The following CAST variants were observed in gnomAD, a reference collection of about 807,000 sequenced individuals.
CAST encodes the protein calpastatin.
In CAST, 76 loss-of-function variants were observed where a neutral mutation model predicts 119.6. The ratio of observed to expected loss-of-function variants is 0.64; its 90% confidence interval spans 0.53 to 0.77. CAST has a LOEUF of 0.77. Ranked by LOEUF, CAST falls within the 30% of genes least tolerant of loss-of-function variation. The probability of loss-of-function intolerance (pLI) is 0.00; values close to 1 mark genes in which losing one functional copy is unlikely to be tolerated. For synonymous variants in CAST, 319 were observed against 331.6 expected (o/e 0.96, Z 0.41); for missense variants, 953 against 946.5 (o/e 1.01, Z -0.09).
intron 1 of CAST, among the ~76,000 whole-genome samples, chr5:96,620,020 A>G (rs529820430): frequency 2.0e-5 from 3 of 152,354 alleles, no homozygotes; most frequent in African/African-American, 4.8e-5. Context: ...TGAAAATTAC[A>G]TTAGAGACAA....
chr5:96,506,941 T>C, the CAST span, among the ~76,000 whole-genome samples: 3 of 152,160 alleles, frequency 2.0e-5, no homozygotes, highest in Non-Finnish European at 4.4e-5. Context: ...GCCAAACTCC[T>C]AAAGATTGCT....
intron 1 of CAST, among the ~76,000 whole-genome samples, chr5:96,591,193 G>A (rs560026103): frequency 6.6e-6 from 1 of 152,224 alleles, no homozygotes; most frequent in African/African-American, 2.4e-5. Context: ...TTATGAAACA[G>A]ATGTCAGCCT....
chr5:96,525,460 C>T (rs1213373854), upstream of CAST: 1 of 152,156 alleles, frequency 6.6e-6, no homozygotes, highest in Non-Finnish European at 1.5e-5. Flanking sequence ...TAAATGAAAA[C>T]AGTGGGTTAC....
chr5:96,754,194 A>G (rs1033786607), intron 21 of CAST, 33 bp downstream of exon 21: 3 of 1,229,420 alleles, frequency 2.4e-6, no homozygotes, highest in Non-Finnish European at 3.6e-6. Context: ...TGGAAAATAA[A>G]TATCATTGAT....
At chr5:96,737,302 G>A (rs1296854806) in intron 10 of CAST, among the ~76,000 whole-genome samples, 2 of 149,490 alleles carry the variant, frequency 1.3e-5, no homozygotes, top group African/African-American at 5.0e-5. Context: ...AACCTCTTCA[G>A]GCAAGCAAGT....
the CAST span, among the ~76,000 whole-genome samples, chr5:96,347,368 T>A: frequency 6.6e-6 from 1 of 152,328 alleles, no homozygotes; most frequent in East Asian, 1.9e-4. Flanking sequence ...TGATCCATTC[T>A]GCACTGCTCA....
chr5:96,520,529 G>C (rs965848912), upstream of CAST, among the ~76,000 whole-genome samples: 2 of 152,022 alleles, frequency 1.3e-5, no homozygotes, highest in African/African-American at 4.8e-5. Context: ...TTGTGTCAGT[G>C]TGTGTGTGTC....
chr5:96,216,060 A>G, the CAST span, among the ~76,000 whole-genome samples: 1 of 152,082 alleles, frequency 6.6e-6, no homozygotes, highest in Admixed American at 6.6e-5. Flanking sequence ...TGCTCACCTA[A>G]GCCTCCCAAA....
chr5:96,386,833 T>C, the CAST span, among the ~76,000 whole-genome samples: 1 of 151,694 alleles, frequency 6.6e-6, no homozygotes, highest in African/African-American at 2.4e-5. Flanking sequence ...GGCATGGAGG[T>C]GGGCACCTGT....
At chr5:96,675,754 G>A in intron 2 of CAST, 153 bp downstream of exon 2, 2 of 557,114 alleles carry the variant, frequency 3.6e-6, no homozygotes, top group Non-Finnish European at 3.1e-6. Context: ...GAATATAAAA[G>A]GAAATCACTA....
the CAST span, among the ~76,000 whole-genome samples, chr5:96,306,033 T>C: frequency 6.6e-6 from 1 of 152,192 alleles, no homozygotes; most frequent in Non-Finnish European, 1.5e-5. Flanking sequence ...TACCAGCTCC[T>C]CCTCGTACCT....
intron 1 of CAST, among the ~76,000 whole-genome samples, chr5:96,575,281 A>G (rs915917440): frequency 6.6e-6 from 1 of 152,250 alleles, no homozygotes; most frequent in African/African-American, 2.4e-5. Flanking sequence ...CTGAATTCAC[A>G]TTAATTCTAG....
At chr5:95,972,637 T>C in the CAST span, among the ~76,000 whole-genome samples, 4 of 152,202 alleles carry the variant, frequency 2.6e-5, no homozygotes, top group Non-Finnish European at 5.9e-5. Context: ...AAAAACATTT[T>C]CCCCCAGTCC....
At chr5:96,061,481 T>C in the CAST span, among the ~76,000 whole-genome samples, 10 of 152,148 alleles carry the variant, frequency 6.6e-5, no homozygotes, top group Non-Finnish European at 1.2e-4. Context: ...GGGGTCTTTA[T>C]GGCCAGCTAA....
chr5:96,555,675 CGGAG>C (rs926552276), intron 1 of CAST, among the ~76,000 whole-genome samples: 7 of 152,270 alleles, frequency 4.6e-5, no homozygotes, highest in Non-Finnish European at 1.0e-4. Flanking sequence ...GCGAGGCTGA[CGGAG>C]GGGTGCCCGC....
At chr5:95,993,740 A>C in the CAST span, among the ~76,000 whole-genome samples, 1 of 152,096 alleles carries the variant, frequency 6.6e-6, no homozygotes, top group Non-Finnish European at 1.5e-5. Flanking sequence ...CATTTGACCA[A>C]AGGCTTGAAT....
At chr5:96,316,523 G>A in the CAST span, among the ~76,000 whole-genome samples, 6 of 152,186 alleles carry the variant, frequency 3.9e-5, no homozygotes, top group Non-Finnish European at 5.9e-5. Context: ...TGGGAAGCAC[G>A]GCAAAACTGT....
At chr5:96,277,070 A>G in the CAST span, among the ~76,000 whole-genome samples, 2 of 152,214 alleles carry the variant, frequency 1.3e-5, no homozygotes, top group East Asian at 3.8e-4. Context: ...ACTACCATTT[A>G]TTCATCCATT....
chr5:96,425,315 T>A, the CAST span, among the ~76,000 whole-genome samples: 3 of 152,228 alleles, frequency 2.0e-5, no homozygotes, highest in African/African-American at 7.2e-5. Context: ...ATCTTAAAGG[T>A]AGAATGGTTT....
Sources: gnomAD v4.1 joint callset for allele counts (sites outside exome capture counted in the v4.1 genomes callset) on GRCh38, gnomAD v4.1.1 for gene constraint, MANE v1.5 for transcripts, NCBI Gene and HGNC (gene_info 2026-07-23, HGNC 2026-07-21) for gene names.